The following ATXN7 variants were observed in gnomAD, a reference collection of about 807,000 sequenced individuals.
ATXN7 encodes the protein ataxin 7, also known as ataxin-7.
A neutral mutation model predicts 70.5 loss-of-function variants in ATXN7; 12 were observed. That is an observed-to-expected ratio of 0.17 (90% CI 0.11 to 0.28). The LOEUF (loss-of-function observed/expected upper bound fraction) is 0.28. ATXN7 is among the 10% of genes least tolerant of loss of function. The pLI is 1.00. For synonymous variants in ATXN7, 498 were observed against 448.7 expected (o/e 1.11, Z -1.39); for missense variants, 1,256 against 1,131.7 (o/e 1.11, Z -1.58).
intron 2 of ATXN7, among the ~76,000 whole-genome samples, chr3:63,900,272 G>A (rs576713783): frequency 1.3e-5 from 2 of 152,316 alleles, no homozygotes; most frequent in East Asian, 3.9e-4. Flanking sequence ...CAAATGTGAT[G>A]CCACAATCAG....
rs544552831 is a variant in ATXN7, at chr3:63,983,003, C to T, written c.1077C>T (p.Thr359=). The change falls in exon 8 of 13, where the codon ACC becomes ACT. Residue 359 remains threonine, a synonymous_variant. Transcript: ENST00000674280. ...ATCTCGACACCAAGAAGCCCTGCACCCGGTCTTTGACATGCAAGGTAGGTG... is the reference window on the plus strand; with the variant it reads ...ATCTCGACACCAAGAAGCCCTGCACTCGGTCTTTGACATGCAAGGTAGGTG... The part of the protein sequence containing the change: ...VIDLDTKKPC[T]RSLTCKTHSL... The T allele has an allele frequency of 4.3e-6, 7 of 1,613,776 alleles. No homozygotes were observed. The highest frequency in any genetic ancestry group is 2.7e-5 in the African/African-American group (2 of 74,852).
chr3:63,906,705 T>G (rs868178766), intron 2 of ATXN7, among the ~76,000 whole-genome samples: 1 of 152,232 alleles, frequency 6.6e-6, no homozygotes, highest in Admixed American at 6.5e-5. Context: ...ACAGCAGGAT[T>G]TCTGCCAAGG....
At chr3:63,974,677 G>A (rs553727730) in intron 5 of ATXN7, among the ~76,000 whole-genome samples, 65 of 152,360 alleles carry the variant, frequency 4.3e-4, no homozygotes, top group South Asian at 1.9e-3. Flanking sequence ...TGTAAATCCC[G>A]TAGCATGGTG....
intron 1 of ATXN7, among the ~76,000 whole-genome samples, chr3:63,895,803 GTCTC>G (rs1011848847): frequency 6.7e-5 from 10 of 149,322 alleles, no homozygotes; most frequent in African/African-American, 1.2e-4. Context: ...CTCTCTCTGT[GTCTC>G]TCTCTCTCTT....
At chr3:63,932,634 C>G (rs1255764105) in intron 4 of ATXN7, among the ~76,000 whole-genome samples, 3 of 152,190 alleles carry the variant, frequency 2.0e-5, no homozygotes, top group African/African-American at 7.2e-5. Flanking sequence ...AGCCTCTAAA[C>G]TCCTTGGCTT....
rs2075845408 is a variant in ATXN7 at position 64,002,573 on chromosome 3, GGAAAAAACT to G, written c.*3111_*3119del. ...CTATGTGATGTGGTTTAAAACTAATGGAAAAAACTGAAAGTGCCTGAAACTAGTTTTAAG... is the reference window on the plus strand; with the variant it reads ...CTATGTGATGTGGTTTAAAACTAATGGAAAGTGCCTGAAACTAGTTTTAAG... On this transcript the variant is annotated 3_prime_UTR_variant, in exon 13 of 13. Coordinates refer to ENST00000674280, the MANE Select transcript of ATXN7 (RefSeq NM_001377405.1). 1 of 152,010 alleles carries G rather than the reference GGAAAAAACT, an allele frequency of 6.6e-6. No individual in the cohort carries two copies. The highest frequency in any genetic ancestry group is 6.6e-5 in the Admixed American group (1 of 15,248). The allele number at this position is 152,010 out of a possible 1,614,324, so 9.4% of individuals were successfully genotyped here.
intron 1 of ATXN7, among the ~76,000 whole-genome samples, chr3:63,868,044 A>T (rs961601161): frequency 3.3e-5 from 5 of 152,202 alleles, no homozygotes; most frequent in African/African-American, 1.2e-4. Context: ...CTGTGTTTTT[A>T]AAAAATTATA....
chr3:63,985,265 C>T (rs1051885874), intron 8 of ATXN7, among the ~76,000 whole-genome samples: 1 of 152,046 alleles, frequency 6.6e-6, no homozygotes, highest in Admixed American at 6.6e-5. Flanking sequence ...GCATTTTTCT[C>T]ACATCTTCCT....
chr3:63,963,491 A>G (rs907003721), intron 5 of ATXN7, among the ~76,000 whole-genome samples: 1 of 152,180 alleles, frequency 6.6e-6, no homozygotes, highest in Non-Finnish European at 1.5e-5. Context: ...CATTCTTAGT[A>G]TGTAACTTAA....
intron 5 of ATXN7, among the ~76,000 whole-genome samples, chr3:63,976,779 A>G (rs1285384788): frequency 3.3e-5 from 5 of 152,222 alleles, no homozygotes; most frequent in Admixed American, 1.3e-4. Flanking sequence ...CAAAAACCAC[A>G]TGAGGCTTAT....
chr3:63,988,579 G>A, intron 9 of ATXN7: 1 of 461,284 alleles, frequency 2.2e-6, no homozygotes, highest in Middle Eastern at 6.0e-4. Flanking sequence ...TGAACATCAA[G>A]TGTCTCAACT....
chr3:63,924,130 A>C (rs142828105), intron 4 of ATXN7, among the ~76,000 whole-genome samples: 1 of 152,178 alleles, frequency 6.6e-6, no homozygotes, highest in Non-Finnish European at 1.5e-5. Flanking sequence ...TGGAGTTTAC[A>C]TGATTTGATG....
chr3:63,953,843 T>C (rs2074994987), intron 5 of ATXN7, among the ~76,000 whole-genome samples: 1 of 152,188 alleles, frequency 6.6e-6, no homozygotes, highest in East Asian at 1.9e-4. Flanking sequence ...AGACAGGGTT[T>C]CACCATGTTG....
intron 4 of ATXN7, 99 bp from the exon 5 acceptor site, chr3:63,952,280 C>T (rs2074968469): frequency 1.3e-6 from 1 of 761,644 alleles, no homozygotes; most frequent in Non-Finnish European, 2.1e-6. Flanking sequence ...TCCTGGTATA[C>T]TTTACAATAA....
chr3:63,921,286 T>A (rs757904788), intron 4 of ATXN7, among the ~76,000 whole-genome samples: 1 of 152,182 alleles, frequency 6.6e-6, no homozygotes, highest in Non-Finnish European at 1.5e-5. Context: ...GTTATACAGA[T>A]GTTTTCCATA....
At chr3:63,967,775 T>C in intron 5 of ATXN7, 1 of 1,464,092 alleles carries the variant, frequency 6.8e-7, no homozygotes, top group South Asian at 1.4e-5. Flanking sequence ...ACCTTTGTAA[T>C]TCAAGTGCTT....
chr3:63,910,997 G>A (rs1014855464), intron 2 of ATXN7, among the ~76,000 whole-genome samples: 1 of 151,738 alleles, frequency 6.6e-6, no homozygotes, highest in Non-Finnish European at 1.5e-5. Context: ...GACCAACAAA[G>A]AAGTTGGCTA....
At chr3:63,897,047 T>G (rs1194795247) in intron 1 of ATXN7, among the ~76,000 whole-genome samples, 1 of 152,362 alleles carries the variant, frequency 6.6e-6, no homozygotes, top group Non-Finnish European at 1.5e-5. Context: ...ATGCTTATCA[T>G]GAACATAACA....
intron 1 of ATXN7, among the ~76,000 whole-genome samples, chr3:63,895,966 CA>C (rs1426796994): frequency 6.6e-6 from 1 of 152,096 alleles, no homozygotes; most frequent in African/African-American, 2.4e-5. Flanking sequence ...TTGCAGCCTC[CA>C]CCAAACTAGA....
Sources: allele counts gnomAD v4.1 joint callset (sites outside exome capture counted in the v4.1 genomes callset), GRCh38; gene constraint gnomAD v4.1.1; transcripts MANE v1.5; gene names NCBI Gene and HGNC (gene_info 2026-07-23, HGNC 2026-07-21).